The following IL1RAPL1 variants were observed in gnomAD, a reference collection of about 807,000 sequenced individuals.
IL1RAPL1 encodes the protein interleukin 1 receptor accessory protein like 1, also known as interleukin-1 receptor accessory protein-like 1.
A neutral mutation model predicts 48.4 loss-of-function variants in IL1RAPL1; 3 were observed. The observed-to-expected ratio is 0.06, with a 90% CI of 0.03 to 0.16. The LOEUF (loss-of-function observed/expected upper bound fraction) is 0.16. Ranked by LOEUF, IL1RAPL1 falls within the 10% of genes least tolerant of loss-of-function variation. The pLI is 1.00. For missense variants in IL1RAPL1, 349 were observed against 530.6 expected (o/e 0.66, Z 3.36); for synonymous variants, 185 against 187.7 (o/e 0.99, Z 0.12).
chrX:28,916,827 A>G (rs747709093), intron 2 of IL1RAPL1, among the ~76,000 whole-genome samples: 6 of 112,410 alleles, frequency 5.3e-5, no homozygotes, highest in Non-Finnish European at 1.1e-4. Flanking sequence ...AGATGACTGC[A>G]TTTTAAATCT....
At chrX:28,619,767 T>G (rs1298687111) in intron 1 of IL1RAPL1, among the ~76,000 whole-genome samples, 1 of 111,498 alleles carries the variant, frequency 9.0e-6, no homozygotes, top group Non-Finnish European at 1.9e-5. Context: ...AGAACTACCA[T>G]GGTGAGCTAA....
chrX:29,353,013 T>G (rs1386550166), intron 3 of IL1RAPL1, among the ~76,000 whole-genome samples: 3 of 112,068 alleles, frequency 2.7e-5, no homozygotes, highest in Non-Finnish European at 5.6e-5. Flanking sequence ...AAACTCTGCT[T>G]TAGCTTTTCT....
chrX:28,960,570 T>C (rs1273522373), intron 2 of IL1RAPL1, among the ~76,000 whole-genome samples: 1 of 111,878 alleles, frequency 8.9e-6, no homozygotes, highest in African/African-American at 3.3e-5. Flanking sequence ...AAGTAATCTA[T>C]ATTGTAAGTG....
chrX:29,670,963 T>C (rs928529064), intron 6 of IL1RAPL1, among the ~76,000 whole-genome samples: 1 of 111,295 alleles, frequency 9.0e-6, no homozygotes, highest in African/African-American at 3.3e-5. Context: ...AAATTGAGAG[T>C]TGACCTCAGA....
At chrX:29,228,318 G>T (rs1462363720) in intron 2 of IL1RAPL1, among the ~76,000 whole-genome samples, 2 of 77,676 alleles carry the variant, frequency 2.6e-5, no homozygotes, top group South Asian at 6.9e-4. Flanking sequence ...AAACACTGTA[G>T]TTTAGTTTTG....
At chrX:29,585,912 G>A (rs770304407) in intron 5 of IL1RAPL1, among the ~76,000 whole-genome samples, 1 of 111,892 alleles carries the variant, frequency 8.9e-6, no homozygotes, top group South Asian at 3.7e-4. Flanking sequence ...TTGAGTTGTA[G>A]GAGTTCCTTA....
At chrX:29,575,784 C>T (rs901842552) in intron 5 of IL1RAPL1, among the ~76,000 whole-genome samples, 1 of 112,106 alleles carries the variant, frequency 8.9e-6, no homozygotes, top group African/African-American at 3.2e-5. Flanking sequence ...GATAGCTCTT[C>T]TAAATCAGAA....
intron 8 of IL1RAPL1, among the ~76,000 whole-genome samples, chrX:29,921,635 G>C (rs1932848920): frequency 8.9e-6 from 1 of 112,293 alleles, no homozygotes; most frequent in African/African-American, 3.2e-5. Flanking sequence ...AGCAACTTAA[G>C]TGTTGTGTAA....
intron 6 of IL1RAPL1, among the ~76,000 whole-genome samples, chrX:29,777,871 T>C (rs1929241934): frequency 9.0e-6 from 1 of 110,648 alleles, no homozygotes; most frequent in Admixed American, 9.7e-5. Context: ...GTCATCTATA[T>C]TATGCCAATT....
At chrX:29,756,421 CT>C (rs1312164099) in intron 6 of IL1RAPL1, among the ~76,000 whole-genome samples, 3 of 110,605 alleles carry the variant, frequency 2.7e-5, no homozygotes, top group Non-Finnish European at 5.7e-5. Flanking sequence ...TCACCTTTCT[CT>C]TTTTTTTGAG....
At chrX:28,796,982 T>C (rs1445254006) in intron 2 of IL1RAPL1, among the ~76,000 whole-genome samples, 1 of 112,448 alleles carries the variant, frequency 8.9e-6, no homozygotes, top group East Asian at 2.8e-4. Context: ...CTTCAATTCT[T>C]GACTTCCGTG....
chrX:29,348,657 T>C (rs891263763), intron 3 of IL1RAPL1, among the ~76,000 whole-genome samples: 1 of 111,691 alleles, frequency 9.0e-6, no homozygotes, highest in African/African-American at 3.3e-5. Context: ...AGTTTCAGAA[T>C]AGAAACAGGA....
At chrX:29,422,871 G>A (rs1306603118) in intron 5 of IL1RAPL1, among the ~76,000 whole-genome samples, 1 of 111,270 alleles carries the variant, frequency 9.0e-6, no homozygotes, top group Admixed American at 9.5e-5. Flanking sequence ...CCCTCCTTTC[G>A]GCCAAGAGCA....
chrX:28,688,639 G>T (rs1052975851), intron 1 of IL1RAPL1, among the ~76,000 whole-genome samples: 1 of 111,856 alleles, frequency 8.9e-6, no homozygotes, highest in African/African-American at 3.3e-5. Context: ...GGGCTCTGGG[G>T]CTTGTCAAAA....
At chrX:28,822,883 A>AT (rs779032435) in intron 2 of IL1RAPL1, among the ~76,000 whole-genome samples, 134 of 111,640 alleles carry the variant, frequency 1.2e-3, no homozygotes, top group Non-Finnish European at 2.0e-3. Flanking sequence ...AACCCCTGTT[A>AT]TTTTTTGTGA....
intron 5 of IL1RAPL1, among the ~76,000 whole-genome samples, chrX:29,412,295 T>C (rs1254761030): frequency 1.1e-5 from 1 of 90,064 alleles, no homozygotes; most frequent in African/African-American, 3.6e-5. Context: ...AAAATTCTTG[T>C]TTTAGTTAGT....
At chrX:28,769,285 G>C (rs1264871545) in intron 1 of IL1RAPL1, among the ~76,000 whole-genome samples, 2 of 110,711 alleles carry the variant, frequency 1.8e-5, no homozygotes, top group African/African-American at 6.6e-5. Context: ...AGGAGTTTTA[G>C]TTTAGCATAA....
chrX:29,879,257 G>C (rs1279838112), intron 6 of IL1RAPL1, among the ~76,000 whole-genome samples: 1 of 109,603 alleles, frequency 9.1e-6, no homozygotes, highest in Non-Finnish European at 1.9e-5. Flanking sequence ...ATTAGGAGTA[G>C]GGAGAGAATG....
At chrX:29,635,301 G>T (rs1347442467) in intron 5 of IL1RAPL1, among the ~76,000 whole-genome samples, 1 of 111,843 alleles carries the variant, frequency 8.9e-6, no homozygotes, top group Non-Finnish European at 1.9e-5. Context: ...GACACCAAGG[G>T]TAAAGATTCT....
Sources: allele counts gnomAD v4.1 joint callset (sites outside exome capture counted in the v4.1 genomes callset), GRCh38; gene constraint gnomAD v4.1.1; transcripts MANE v1.5; gene names NCBI Gene and HGNC (gene_info 2026-07-23, HGNC 2026-07-21).